Variants in ITPKB observed in about 807,000 individuals in gnomAD.
The protein encoded by ITPKB is IP3 3-kinase B.
ITPKB carries 13 observed loss-of-function variants against 69.4 expected under a neutral mutation model. That is an observed-to-expected ratio of 0.19 (90% CI 0.12 to 0.30). The LOEUF (loss-of-function observed/expected upper bound fraction) is 0.30, where lower values mean the gene tolerates loss of function less well. Ranked by LOEUF, ITPKB falls within the 10% of genes least tolerant of loss-of-function variation. The pLI, the probability that ITPKB is intolerant of heterozygous loss-of-function variation, is 1.00. For synonymous variants in ITPKB, 584 were observed against 513.7 expected (o/e 1.14, Z -1.85); for missense variants, 1,240 against 1,250.5 (o/e 0.99, Z 0.13).
In ITPKB at chr1:226,667,233, C is replaced by T. The variant is rs115586764; in HGVS notation, c.1933-18462G>A. ...CACTAGAGTGAGCATTCCTTGAGGA[C>T]TGGAAATGGCCAGTTCATTGCTGAA... On this transcript the variant is annotated intron_variant, in intron 2 of 7. Transcript: ENST00000429204. Among the ~76,000 whole-genome samples the T allele has an allele frequency of 1.7e-3, 256 of 152,268 alleles. 2 individuals are homozygous for T. The highest frequency in any genetic ancestry group is 6.0e-3 in the African/African-American group (249 of 41,550).
intron 2 of ITPKB, among the ~76,000 whole-genome samples, chr1:226,713,377 A>T (rs1016677646): frequency 6.6e-6 from 1 of 152,186 alleles, no homozygotes; most frequent in Non-Finnish European, 1.5e-5. Context: ...TTTATTAGGG[A>T]GGGAAGTGGC....
intron 2 of ITPKB, among the ~76,000 whole-genome samples, chr1:226,726,870 C>A (rs565986697): frequency 1.2e-4 from 19 of 152,288 alleles, no homozygotes; most frequent in African/African-American, 4.6e-4. Context: ...AATTTTCCTA[C>A]CCTTGGCTCA....
rs1006956805 is a variant in ITPKB at position 226,633,027 on chromosome 1, T to C, written c.*1644A>G. ...TCTCTCGTGCTCCACCGGGCGCGTG[T>C]GTGACCTTTAGCAAGTCGGCCCACA... is the stretch of plus-strand genomic sequence containing the variant. On this transcript the variant is annotated 3_prime_UTR_variant, in exon 8 of 8. Coordinates refer to ENST00000429204, the MANE Select transcript of ITPKB (RefSeq NM_002221.4). The C allele has an allele frequency of 1.3e-5, 2 of 152,210 alleles. No homozygotes were observed. Among genetic ancestry groups the C allele is most frequent in the Non-Finnish European group, 2.9e-5 (2 of 68,038 alleles). 9.4% of individuals were successfully genotyped at this position (152,210 alleles called of 1,614,324 possible).
At chr1:226,737,904 T>C (rs1455423705) in intron 1 of ITPKB, among the ~76,000 whole-genome samples, 1 of 152,128 alleles carries the variant, frequency 6.6e-6, no homozygotes, top group Non-Finnish European at 1.5e-5. Flanking sequence ...CGATGCGCTT[T>C]ATGAGGTCCC....
chr1:226,659,040 C>A (rs530026587), intron 2 of ITPKB, among the ~76,000 whole-genome samples: 2 of 152,330 alleles, frequency 1.3e-5, no homozygotes, highest in South Asian at 4.1e-4. Context: ...GAGCTCCCAA[C>A]CTGGCTGACT....
chr1:226,687,336 A>G (rs896981209), intron 2 of ITPKB, among the ~76,000 whole-genome samples: 4 of 152,152 alleles, frequency 2.6e-5, no homozygotes, highest in Admixed American at 2.0e-4. Context: ...CTCGGGATGA[A>G]AACAAAAATC....
At position 226,658,598 on chromosome 1, in the gene ITPKB, T is replaced by A. The variant is rs1383570564; in HGVS notation, c.1933-9827A>T. 3.9e-5 allele frequency among the ~76,000 whole-genome samples: 6 copies of A among 152,278 alleles called. No homozygotes were observed. The East Asian group carries it at 9.6e-4, about 24-fold the overall frequency. On this transcript the variant is annotated intron_variant, in intron 2 of 7. Coordinates refer to ENST00000429204, the MANE Select transcript of ITPKB (RefSeq NM_002221.4). ...CAAGAAAATCCCCCTAAATGCCAAA[T>A]GCAAAAGCACTTTCAGAAAAGACCC...
At chr1:226,658,647 C>T (rs1318193556) in intron 2 of ITPKB, among the ~76,000 whole-genome samples, 3 of 152,186 alleles carry the variant, frequency 2.0e-5, no homozygotes, top group African/African-American at 4.8e-5. Flanking sequence ...TTTCATCCCC[C>T]GTCTCCACCC....
At chr1:226,656,499 C>T (rs890902523) in intron 2 of ITPKB, 1 of 152,256 alleles carries the variant, frequency 6.6e-6, no homozygotes, top group Admixed American at 6.5e-5. Context: ...GCAAGGAGGA[C>T]TTCAGGAAGG....
rs546274726 is a variant in ITPKB, at chr1:226,642,754, G to T, written c.2247-629C>A. On this transcript the variant is annotated intron_variant, in intron 4 of 7. Transcript: ENST00000429204. This position sits in a 1 kb window ranked among gnomAD's most constrained non-coding sequence, Gnocchi z 6.4. ...TTGGCTGCCTCGGCCCTTCCATAAA[G>T]CGAGGGCTTCCAAAGCCAGAACCTG... Among the ~76,000 whole-genome samples, 1 of 152,264 alleles carries T rather than the reference G, an allele frequency of 6.6e-6. No individual in the cohort carries two copies. Among genetic ancestry groups the T allele is most frequent in the South Asian group, 2.1e-4 (1 of 4,822 alleles).
intron 2 of ITPKB, among the ~76,000 whole-genome samples, chr1:226,734,292 T>C (rs1244866695): frequency 6.6e-6 from 1 of 152,202 alleles, no homozygotes; most frequent in Non-Finnish European, 1.5e-5. Flanking sequence ...CAGAGTTTCA[T>C]GAAAAGGAAT....
intron 2 of ITPKB, among the ~76,000 whole-genome samples, chr1:226,726,300 G>C (rs1046129658): frequency 2.0e-5 from 3 of 152,190 alleles, no homozygotes; most frequent in Non-Finnish European, 2.9e-5. Flanking sequence ...CAATTAGCCA[G>C]ATGGTCAATA....
At chr1:226,733,027 A>T (rs1038168304) in intron 2 of ITPKB, among the ~76,000 whole-genome samples, 1 of 152,078 alleles carries the variant, frequency 6.6e-6, no homozygotes, top group African/African-American at 2.4e-5. Flanking sequence ...AAACAATCTC[A>T]GTGTCTAGTG....
At chr1:226,665,623 C>CA (rs1669483973) in intron 2 of ITPKB, among the ~76,000 whole-genome samples, 1 of 152,130 alleles carries the variant, frequency 6.6e-6, no homozygotes, top group Non-Finnish European at 1.5e-5. Flanking sequence ...CCTCGGTGGT[C>CA]ACCGGCGGGG....
chr1:226,640,404 G>C (rs907010663), intron 5 of ITPKB, among the ~76,000 whole-genome samples: 10 of 152,232 alleles, frequency 6.6e-5, no homozygotes, highest in African/African-American at 2.4e-4. Flanking sequence ...TGTCCTCACT[G>C]TGGCTGCCTT....
At chr1:226,649,330 T>C (rs1669125038) in intron 2 of ITPKB, among the ~76,000 whole-genome samples, 1 of 143,372 alleles carries the variant, frequency 7.0e-6, no homozygotes, top group Non-Finnish European at 1.5e-5. Context: ...TGCATGAGTG[T>C]GTGCGTATGT....
chr1:226,659,179 T>C (rs1238209540), intron 2 of ITPKB, among the ~76,000 whole-genome samples: 2 of 152,094 alleles, frequency 1.3e-5, no homozygotes, highest in African/African-American at 4.8e-5. Flanking sequence ...ACTAGAGGCC[T>C]AGTTTCTAGG....
Position 226,642,246 on chromosome 1 carries a change from A to G in ITPKB, c.2247-121T>C. The G allele has an allele frequency of 1.4e-6, 1 of 736,734 alleles. No individual in the cohort carries two copies. Among genetic ancestry groups the G allele is most frequent in the Non-Finnish European group, 2.2e-6 (1 of 445,294 alleles). 45.6% of individuals were successfully genotyped at this position (736,734 alleles called of 1,614,324 possible). ...GTTGCCCAACAGCTGCAGTCAGCTC[A>G]GTGCCCTGAGTCAAGGCACGTCTTT... On this transcript the variant is annotated intron_variant, in intron 4 of 7. Transcript: ENST00000429204. This position sits in a 1 kb window ranked among gnomAD's most constrained non-coding sequence, Gnocchi z 6.4.
chr1:226,694,679 G>A (rs1349445882), intron 2 of ITPKB, among the ~76,000 whole-genome samples: 2 of 152,146 alleles, frequency 1.3e-5, no homozygotes, highest in Non-Finnish European at 2.9e-5. Flanking sequence ...GTAATTCTCT[G>A]CTGTCCTGTG....
Sources: allele counts gnomAD v4.1 joint callset (sites outside exome capture counted in the v4.1 genomes callset), GRCh38; gene constraint gnomAD v4.1.1; non-coding constraint Gnocchi (gnomAD v3.1); transcripts MANE v1.5; gene names NCBI Gene and HGNC (gene_info 2026-07-23, HGNC 2026-07-21).